The following RYR3 variants were observed in gnomAD, a reference collection of about 807,000 sequenced individuals.
RYR3 encodes the protein ryanodine receptor 3.
RYR3 carries 207 observed loss-of-function variants against 584.3 expected under a neutral mutation model. The ratio of observed to expected loss-of-function variants is 0.35; its 90% CI spans 0.32 to 0.40. The LOEUF is 0.40. Among genes scored for constraint, RYR3 ranks in the 10% least tolerant of loss-of-function variants. The probability of loss-of-function intolerance (pLI) is 1.00; values close to 1 mark genes in which losing one functional copy is unlikely to be tolerated. For missense variants in RYR3, 5,616 were observed against 6,089.2 expected, an observed-to-expected ratio of 0.92 and a Z score of 2.59; for synonymous variants, 2,416 against 2,248.5, an observed-to-expected ratio of 1.07 and a Z score of -2.11.
intron 1 of RYR3, among the ~76,000 whole-genome samples, chr15:33,335,514 GT>G (rs1970858260): frequency 6.6e-6 from 1 of 152,084 alleles, no homozygotes; most frequent in Non-Finnish European, 1.5e-5. Context: ...AACAGCATAC[GT>G]TGGGGCCTAT....
chr15:33,583,733 C>A (rs1189709881), intron 14 of RYR3, among the ~76,000 whole-genome samples: 1 of 152,094 alleles, frequency 6.6e-6, no homozygotes, highest in African/African-American at 2.4e-5. Context: ...CCAGCTTGGG[C>A]AACATAGTGA....
At chr15:33,528,569 C>T (rs2054587515) in intron 3 of RYR3, among the ~76,000 whole-genome samples, 1 of 152,122 alleles carries the variant, frequency 6.6e-6, no homozygotes, top group Non-Finnish European at 1.5e-5. Flanking sequence ...AATCTCATCC[C>T]CCATCATCAA....
intron 1 of RYR3, among the ~76,000 whole-genome samples, chr15:33,408,775 A>T (rs894878691): frequency 6.6e-6 from 1 of 152,220 alleles, no homozygotes; most frequent in South Asian, 2.1e-4. Context: ...CAAATATTGC[A>T]TGCCATCCTG....
intron 3 of RYR3, among the ~76,000 whole-genome samples, chr15:33,522,008 C>A (rs141622360): frequency 6.6e-6 from 1 of 150,534 alleles, no homozygotes; most frequent in African/African-American, 2.4e-5. Flanking sequence ...AATCCCAGCA[C>A]TTTGGGAGGC....
intron 98 of RYR3, among the ~76,000 whole-genome samples, chr15:33,855,475 A>G (rs1206010306): frequency 2.0e-5 from 3 of 152,198 alleles, no homozygotes; most frequent in Non-Finnish European, 2.9e-5. Flanking sequence ...AAGTGCTGGG[A>G]TTACAGGTGT....
At chr15:33,335,562 A>G (rs1970864133) in intron 1 of RYR3, among the ~76,000 whole-genome samples, 1 of 152,154 alleles carries the variant, frequency 6.6e-6, no homozygotes, top group Non-Finnish European at 1.5e-5. Flanking sequence ...AAAATAACTA[A>G]TGGATACTAG....
intron 3 of RYR3, among the ~76,000 whole-genome samples, chr15:33,508,004 G>A (rs1427734470): frequency 6.6e-6 from 1 of 152,094 alleles, no homozygotes; most frequent in African/African-American, 2.4e-5. Context: ...AGAGTCCTGT[G>A]CTACACAACT....
chr15:33,464,845 C>A (rs1168366748), intron 1 of RYR3, among the ~76,000 whole-genome samples: 1 of 152,026 alleles, frequency 6.6e-6, no homozygotes, highest in Non-Finnish European at 1.5e-5. Flanking sequence ...AACTTACTTA[C>A]CTTGTATAAC....
chr15:33,328,299 A>G (rs909015811), intron 1 of RYR3, among the ~76,000 whole-genome samples: 5 of 152,152 alleles, frequency 3.3e-5, no homozygotes, highest in African/African-American at 9.7e-5. Context: ...CTCTGCCCAC[A>G]CCGTCCTTAT....
intron 12 of RYR3, among the ~76,000 whole-genome samples, chr15:33,572,654 TATATACACACACACAC>T (rs1281604682): frequency 2.1e-4 from 26 of 121,144 alleles, no homozygotes; most frequent in Admixed American, 4.1e-4. Flanking sequence ...AAAAAAACTA[TATATACACACACACAC>T]ACACACACAC....
At chr15:33,519,495 G>A (rs528432169) in intron 3 of RYR3, among the ~76,000 whole-genome samples, 1 of 152,162 alleles carries the variant, frequency 6.6e-6, no homozygotes, top group South Asian at 2.1e-4. Context: ...ATACATGAAG[G>A]GTCCTATGTG....
chr15:33,399,090 G>A (rs2042470035), intron 1 of RYR3, among the ~76,000 whole-genome samples: 1 of 152,206 alleles, frequency 6.6e-6, no homozygotes, highest in Admixed American at 6.5e-5. Flanking sequence ...CCATGGTAAA[G>A]AGCACAGGCT....
chr15:33,378,942 G>A (rs561789818), intron 1 of RYR3, among the ~76,000 whole-genome samples: 3 of 152,050 alleles, frequency 2.0e-5, no homozygotes, highest in South Asian at 2.1e-4. Flanking sequence ...TCCAGCCTGG[G>A]CAATAAAGTG....
chr15:33,551,368 G>T (rs1168574047), intron 10 of RYR3, among the ~76,000 whole-genome samples: 1 of 152,200 alleles, frequency 6.6e-6, no homozygotes, highest in Non-Finnish European at 1.5e-5. Flanking sequence ...TGAGGATTCT[G>T]TTCATCTAGG....
rs10714497 is a variant in RYR3 at position 33,674,791 on chromosome 15, GAA to G, written c.5860+4249_5860+4250del. ...ATAAGAAGGAAAAGGCATTTTTAAT[GAA>G]AAAAAAAAAAAAAGCTGCTTCAACA... On this transcript the variant is annotated intron_variant, in intron 38 of 103. Transcript: ENST00000634891. 9.1e-3 allele frequency among the ~76,000 whole-genome samples: 1,213 copies of G among 133,576 alleles called. 11 individuals carry two copies. Among genetic ancestry groups the G allele is most frequent in the African/African-American group, 0.023 (794 of 34,908 alleles). The allele number at this position is 133,576 out of a possible 152,430, so 87.6% of individuals were successfully genotyped here. A position where few individuals can be genotyped will look rare whatever the true frequency, so the allele number is the denominator to read the frequency against.
rs199615159 is a variant in RYR3 at position 33,663,686 on chromosome 15, G to A, written c.5568G>A (p.Ala1856=). The A allele has an allele frequency of 1.2e-4, 199 of 1,611,908 alleles. No individual in the cohort carries two copies. Among genetic ancestry groups the A allele is most frequent in the Middle Eastern group, 5.4e-4 (3 of 5,526 alleles). The change falls in exon 36 of 104, where the codon GCG becomes GCA. Residue 1856 remains alanine, a synonymous_variant. Coordinates refer to ENST00000634891, the MANE Select transcript of RYR3 (RefSeq NM_001036.6). ...NELMQALNMS[A]ALTARKTKEF... is the part of the protein sequence containing the mutation. ...TCATGCAGGCCCTGAACATGTCTGCGGCCCTGACTGCCCGGAAGACCAAGG... is the reference window on the plus strand; with the variant it reads ...TCATGCAGGCCCTGAACATGTCTGCAGCCCTGACTGCCCGGAAGACCAAGG...
At chr15:33,499,938 C>T (rs529342387) in intron 2 of RYR3, among the ~76,000 whole-genome samples, 12 of 152,232 alleles carry the variant, frequency 7.9e-5, no homozygotes, top group Middle Eastern at 6.8e-3. Context: ...CTCGTGACCA[C>T]GGGGAGAAGA....
At chr15:33,805,490 T>C (rs1231187521) in intron 69 of RYR3, among the ~76,000 whole-genome samples, 2 of 150,732 alleles carry the variant, frequency 1.3e-5, no homozygotes, top group Non-Finnish European at 3.0e-5. Flanking sequence ...TTTTTTCTTC[T>C]TCTTTGAGAC....
intron 62 of RYR3, among the ~76,000 whole-genome samples, chr15:33,770,402 A>C (rs1158714942): frequency 2.0e-5 from 3 of 152,172 alleles, no homozygotes; most frequent in African/African-American, 4.8e-5. Flanking sequence ...TTTTAAATGA[A>C]GGTCAGTTGC....
Sources: gnomAD v4.1 joint callset for allele counts (sites outside exome capture counted in the v4.1 genomes callset) on GRCh38, gnomAD v4.1.1 for gene constraint, MANE v1.5 for transcripts, NCBI Gene and HGNC (gene_info 2026-07-23, HGNC 2026-07-21) for gene names.